RASGRP2: variants seen among roughly 807,000 people sequenced by gnomAD.
The protein encoded by RASGRP2 is RAS guanyl-releasing protein 2.
RASGRP2 carries 44 observed loss-of-function variants against 71.0 expected under a neutral mutation model. That is an observed-to-expected ratio of 0.62 (90% CI 0.49 to 0.80). The LOEUF is 0.80. RASGRP2 is among the 30% of genes least tolerant of loss of function. The pLI is 0.00. For missense variants in RASGRP2, 663 were observed against 813.4 expected, an observed-to-expected ratio of 0.82 and a Z score of 2.25; for synonymous variants, 350 against 330.7, an observed-to-expected ratio of 1.06 and a Z score of -0.63.
At position 64,743,906 on chromosome 11, in the gene RASGRP2, G is replaced by A; in HGVS notation, c.-72+97C>T. ...GCAGGCGTCCGCACTTACACGCACC[G>A]GGCCACAGGCACCGGCCTCCCATCC... On this transcript the variant is annotated intron_variant, in intron 1 of 16. Transcript: ENST00000394432. This position sits in a 1 kb window ranked among gnomAD's most constrained non-coding sequence, Gnocchi z 4.9. The A allele has an allele frequency of 1.1e-6, 1 of 887,244 alleles. No homozygotes were observed. Among genetic ancestry groups the A allele is most frequent in the Non-Finnish European group, 1.4e-6 (1 of 730,210 alleles). The allele number at this position is 887,244 out of a possible 1,614,324, so 55.0% of individuals were successfully genotyped here.
At chr11:64,731,115 G>A (rs781148569) in intron 12 of RASGRP2, among the ~76,000 whole-genome samples, 4 of 152,222 alleles carry the variant, frequency 2.6e-5, no homozygotes, top group Admixed American at 6.5e-5. Flanking sequence ...CCAGCACTTT[G>A]GGAGGCCAAG....
At position 64,735,948 on chromosome 11, in the gene RASGRP2, C is replaced by T; in HGVS notation, c.1128G>A (p.Glu376=). The T allele has an allele frequency of 6.2e-7, 1 of 1,614,062 alleles. No individual in the cohort carries two copies. Among genetic ancestry groups the T allele is most frequent in the Non-Finnish European group, 8.5e-7 (1 of 1,179,994 alleles). ...CCCGCTGCAGGGACAGCTGGTACAGCTCATCCTCCGTCTGATACTGATCCA... is the reference window on the plus strand; with the variant it reads ...CCCGCTGCAGGGACAGCTGGTACAGTTCATCCTCCGTCTGATACTGATCCA... The part of the protein sequence containing the change: ...VSLDQYQTED[E]LYQLSLQREP... The change falls in exon 10 of 17, where the codon GAG becomes GAA. Residue 376 remains glutamate (E), a synonymous_variant. Transcript: ENST00000394432. The surrounding 1 kb of genome is among the most constrained non-coding windows in gnomAD (Gnocchi z 4.2).
At chr11:64,738,346 G>A (rs1237945166) in intron 8 of RASGRP2, among the ~76,000 whole-genome samples, 1 of 152,120 alleles carries the variant, frequency 6.6e-6, no homozygotes, top group African/African-American at 2.4e-5. Context: ...CTGGGCGCTT[G>A]GGGGCCTGGC....
upstream of RASGRP2, chr11:64,744,307 G>A (rs2058237861): frequency 6.1e-6 from 6 of 985,368 alleles, no homozygotes; most frequent in South Asian, 2.8e-4. Flanking sequence ...CCCACGGAAA[G>A]GTACCCCGGC....
At chr11:64,728,275 T>C (rs1252801172) in intron 15 of RASGRP2, among the ~76,000 whole-genome samples, 3 of 152,190 alleles carry the variant, frequency 2.0e-5, no homozygotes, top group Non-Finnish European at 4.4e-5. Context: ...CAATCCTTTG[T>C]TAACCCCTCC....
At chr11:64,741,397 G>C in intron 4 of RASGRP2, 42 bp downstream of exon 4, 6 of 1,493,644 alleles carry the variant, frequency 4.0e-6, no homozygotes, top group Non-Finnish European at 5.5e-6. Context: ...CCAGAGAGAA[G>C]GGAGAAAGGG....
chr11:64,733,838 T>C (rs2057840534), intron 12 of RASGRP2, among the ~76,000 whole-genome samples: 1 of 140,888 alleles, frequency 7.1e-6, no homozygotes, highest in Non-Finnish European at 1.5e-5. Flanking sequence ...GACTTTCATT[T>C]CTTCCTTTTT....
chr11:64,734,646 G>T (rs1328896278), intron 12 of RASGRP2, among the ~76,000 whole-genome samples: 1 of 152,132 alleles, frequency 6.6e-6, no homozygotes, highest in Non-Finnish European at 1.5e-5. Context: ...CAAAAATAGG[G>T]CATGAATCTG....
In RASGRP2 at chr11:64,735,190, T is replaced by C; in HGVS notation, c.1334A>G (p.His445Arg). 1 of 1,614,172 alleles carries C rather than the reference T, an allele frequency of 6.2e-7. No individual in the cohort carries two copies. The highest frequency in any genetic ancestry group is 8.5e-7 in the Non-Finnish European group (1 of 1,180,028). The change falls in exon 12 of 17, where the codon CAC (histidine) becomes CGC (arginine). Residue 445 changes from histidine to arginine, a missense_variant. Coordinates refer to ENST00000394432, the MANE Select transcript of RASGRP2 (RefSeq NM_001098671.2). This position sits in a 1 kb window ranked among gnomAD's most constrained non-coding sequence, Gnocchi z 4.2. ...GATCTGGAATTCTTCCTGTGAGATGTGGCCATCCCCATCGACGTCAAAGTT... is the reference window on the plus strand; with the variant it reads ...GATCTGGAATTCTTCCTGTGAGATGCGGCCATCCCCATCGACGTCAAAGTT... The part of the protein sequence containing the change: ...FRNFDVDGDG[H>R]ISQEEFQIIR...
chr11:64,732,340 A>G lies in RASGRP2; in HGVS notation c.1413-2146T>C, dbSNP rs1012290368. Among the ~76,000 whole-genome samples, 3 of 151,646 alleles carry G rather than the reference A, an allele frequency of 2.0e-5. No homozygotes were observed. The East Asian group carries it at 5.8e-4, about 29-fold the overall frequency. On this transcript the variant is annotated intron_variant, in intron 12 of 16. Transcript: ENST00000394432. ...GAGTTCAAGACCAGCCTGGCCAACAAGGTAAAACTCCATCTCTACTAAAAA... is the reference window on the plus strand; with the variant it reads ...GAGTTCAAGACCAGCCTGGCCAACAGGGTAAAACTCCATCTCTACTAAAAA...
chr11:64,729,716 A>C, intron 14 of RASGRP2, 46 bp downstream of exon 14: 1 of 1,365,806 alleles, frequency 7.3e-7, no homozygotes, highest in African/African-American at 1.4e-5. Context: ...AAACAAACAA[A>C]AAAAAAAAAC....
At chr11:64,727,245 C>A in intron 16 of RASGRP2, 51 bp downstream of exon 16, 4 of 1,501,156 alleles carry the variant, frequency 2.7e-6, no homozygotes, top group Non-Finnish European at 3.7e-6. Context: ...CTCCCCAGCT[C>A]CCCCCCAGCC....
At position 64,742,015 on chromosome 11, in the gene RASGRP2, GAGC is replaced by G; in HGVS notation, c.168_170del (p.Leu57del). The G allele has an allele frequency of 6.2e-7, 1 of 1,609,040 alleles. No homozygotes were observed. ...GCAAGGCCGGCGAAGGATATATGTG[GAGC>G]AGCTTGGCCGCCAGCTGAGAGGAGG... On this transcript the variant is annotated inframe_deletion, in exon 3 of 17. Transcript: ENST00000394432. The surrounding 1 kb of genome is among the most constrained non-coding windows in gnomAD (Gnocchi z 4.7).
intron 12 of RASGRP2, among the ~76,000 whole-genome samples, chr11:64,734,198 G>C (rs1391718891): frequency 6.6e-6 from 1 of 151,820 alleles, no homozygotes; most frequent in African/African-American, 2.4e-5. Context: ...TGTAATCCCA[G>C]CTACTCAGGA....
chr11:64,730,965 C>T (rs982548570), intron 12 of RASGRP2, among the ~76,000 whole-genome samples: 3 of 152,202 alleles, frequency 2.0e-5, no homozygotes, highest in African/African-American at 7.2e-5. Context: ...TCGGGACTGG[C>T]CCTCGCTTGA....
At chr11:64,737,495 C>T (rs1268267736) in intron 8 of RASGRP2, among the ~76,000 whole-genome samples, 1 of 151,328 alleles carries the variant, frequency 6.6e-6, no homozygotes, top group Non-Finnish European at 1.5e-5. Context: ...ATGGTGGAAA[C>T]CTCATCTCTA....
upstream of RASGRP2, chr11:64,745,340 C>G (rs1218214955): frequency 6.5e-6 from 1 of 152,822 alleles, no homozygotes; most frequent in African/African-American, 2.4e-5. Flanking sequence ...TGGCACAGGC[C>G]TAGTGGAGGT....
At position 64,730,207 on chromosome 11, in the gene RASGRP2, G is replaced by A. The variant is rs1416667228; in HGVS notation, c.1413-13C>T. ...GATGCAGCCATCCCTGTGGGGAGTT[G>A]CGGGGGCGCTTCAGCTCGGGCCCTC... On this transcript the variant is annotated splice_polypyrimidine_tract_variant and intron_variant, in intron 12 of 16. Coordinates refer to ENST00000394432, the MANE Select transcript of RASGRP2 (RefSeq NM_001098671.2). The A allele has an allele frequency of 3.9e-6, 6 of 1,551,530 alleles. No individual in the cohort carries two copies. The South Asian group carries it at 7.1e-5, about 18-fold the overall frequency.
At chr11:64,729,623 C>A (rs570688732) in intron 14 of RASGRP2, 139 bp downstream of exon 14, 1 of 1,092,226 alleles carries the variant, frequency 9.2e-7, no homozygotes, top group South Asian at 1.3e-5. Flanking sequence ...AGGCTTGAGC[C>A]ACCATGCCCG....
Sources: allele counts gnomAD v4.1 joint callset (sites outside exome capture counted in the v4.1 genomes callset), GRCh38; gene constraint gnomAD v4.1.1; non-coding constraint Gnocchi (gnomAD v3.1); transcripts MANE v1.5; gene names NCBI Gene and HGNC (gene_info 2026-07-23, HGNC 2026-07-21).